The following TG variants were observed in gnomAD, a reference collection of about 807,000 sequenced individuals.
The protein encoded by TG is thyroglobulin, also known as thyroid hormones.
A neutral mutation model predicts 324.7 loss-of-function variants in TG; 270 were observed. The ratio of observed to expected loss-of-function variants is 0.83; its 90% CI spans 0.75 to 0.92. The LOEUF (loss-of-function observed/expected upper bound fraction) is 0.92, where lower values mean the gene tolerates loss of function less well. Ranked by LOEUF, TG falls within the 40% of genes least tolerant of loss-of-function variation. The pLI is 0.00. For missense variants in TG, 3,591 were observed against 3,456.4 expected, an observed-to-expected ratio of 1.04 and a Z score of -0.98; for synonymous variants, 1,401 against 1,327.0, an observed-to-expected ratio of 1.06 and a Z score of -1.21.
chr8:132,918,527 A>G (rs1397402978), intron 20 of TG, among the ~76,000 whole-genome samples: 1 of 152,208 alleles, frequency 6.6e-6, no homozygotes, highest in Non-Finnish European at 1.5e-5. Context: ...AATGCCAACT[A>G]CACACGTAGA....
intron 41 of TG, among the ~76,000 whole-genome samples, chr8:133,090,778 A>G (rs1172415649): frequency 6.6e-6 from 1 of 152,216 alleles, no homozygotes; most frequent in Non-Finnish European, 1.5e-5. Flanking sequence ...GACAAAGGAA[A>G]TTGGCAAAAT....
chr8:132,963,167 G>T, intron 29 of TG, 93 bp downstream of exon 29: 1 of 1,115,068 alleles, frequency 9.0e-7, no homozygotes, highest in South Asian at 1.2e-5. Flanking sequence ...CGGACGTATT[G>T]ACATCACTCT....
intron 25 of TG, among the ~76,000 whole-genome samples, chr8:132,937,154 C>T (rs1823728964): frequency 6.6e-6 from 1 of 152,148 alleles, no homozygotes; most frequent in Admixed American, 6.5e-5. Context: ...TGGCTGTGCA[C>T]CAGATGACAG....
rs185846484 is a variant in TG at position 133,024,632 on chromosome 8, C to T, written c.7036+2482C>T. 1.3e-4 allele frequency among the ~76,000 whole-genome samples: 19 copies of T among 150,834 alleles called. 1 individual carries two copies. The East Asian group carries it at 3.7e-3, about 29-fold the overall frequency. The stretch of plus-strand genomic sequence containing the variant: ...GTGTCCATGTATTCTCAGTGTTCAA[C>T]TCCCACTTATGAATGAGAACATGTG... On this transcript the variant is annotated intron_variant, in intron 40 of 47. Coordinates refer to ENST00000220616, the MANE Select transcript of TG (RefSeq NM_003235.5).
Position 132,906,920 on chromosome 8 carries a change from C to T in TG, c.3847+20C>T, listed in dbSNP as rs376845203. The T allele has an allele frequency of 6.3e-7, 1 of 1,598,328 alleles. No homozygotes were observed. Among genetic ancestry groups the T allele is most frequent in the African/African-American group, 1.3e-5 (1 of 74,568 alleles). ...GCCAACGTGAGTGGCATCAGAGCAT[C>T]TATCCTGCACCCCGCTCCCTCTCAG... On this transcript the variant is annotated intron_variant, in intron 17 of 47. Coordinates refer to ENST00000220616, the MANE Select transcript of TG (RefSeq NM_003235.5).
rs1458028569 is a variant in TG, at chr8:133,017,976, C to T, written c.6761C>T (p.Ser2254Phe). 9.3e-6 allele frequency: 15 copies of T among 1,614,050 alleles called. No homozygotes were observed. The highest frequency in any genetic ancestry group is 1.2e-5 in the Non-Finnish European group (14 of 1,180,046). ...QAPEPLNWTGSWDASKPRASC... is the reference protein window; with the variant it reads ...QAPEPLNWTGFWDASKPRASC... Reference sequence around the variant, plus strand: ...CCAGAGCCCTTGAACTGGACAGGCTCCTGGGATGCCAGCAAGCCAAGGTAT... The same window carrying T: ...CCAGAGCCCTTGAACTGGACAGGCTTCTGGGATGCCAGCAAGCCAAGGTAT... Residue 2254 changes from serine to phenylalanine, a missense_variant, in exon 38 of 48, where the codon TCC becomes TTC. Coordinates refer to ENST00000220616, the MANE Select transcript of TG (RefSeq NM_003235.5).
rs530018191 is a variant in TG at position 132,965,280 on chromosome 8, G to C, written c.5549-1280G>C. ...GGCTGGGATGGTGACATGGTCTCTG[G>C]TGTCTCTGCCAGCACTAAACTTCTG... On this transcript the variant is annotated intron_variant, in intron 29 of 47. Transcript: ENST00000220616. Among the ~76,000 whole-genome samples the C allele has an allele frequency of 2.6e-5, 4 of 152,274 alleles. No homozygotes were observed. The South Asian group carries it at 8.3e-4, about 32-fold the overall frequency.
At position 132,971,212 on chromosome 8, in the gene TG, A is replaced by T. The variant is rs988901979; in HGVS notation, c.5976-582A>T. ...TAGTTATTGAGTGGATAAGAAGGTC[A>T]GTCTTGAGAGAGCCTGGCTGGGTGG... On this transcript the variant is annotated intron_variant, in intron 32 of 47. Coordinates refer to ENST00000220616, the MANE Select transcript of TG (RefSeq NM_003235.5). 4.6e-5 allele frequency among the ~76,000 whole-genome samples: 7 copies of T among 152,338 alleles called. No homozygotes were observed. In the East Asian group the frequency reaches 1.4e-3, roughly 29 times the overall value.
rs1282521989 is a variant in TG at position 132,898,899 on chromosome 8, G to A, written c.3319G>A (p.Ala1107Thr). ...ATCTCCAAAAGACCTGTTCGTCCCA[G>A]CCTGCCTAGAAGTAAGGGTCTGGAA... is the stretch of plus-strand genomic sequence containing the variant. The part of the protein sequence containing the change: ...NPSPKDLFVP[A>T]CLETGEYARL... The change falls in exon 14 of 48, where the codon GCC becomes ACC. Residue 1107 changes from alanine (A) to threonine (T), a missense_variant. Coordinates refer to ENST00000220616, the MANE Select transcript of TG (RefSeq NM_003235.5). The A allele has an allele frequency of 3.7e-6, 6 of 1,613,988 alleles. No homozygotes were observed. The East Asian group carries it at 1.3e-4, about 36-fold the overall frequency.
chr8:132,962,852 G>T, intron 28 of TG, 142 bp from the exon 29 acceptor site: 1 of 779,820 alleles, frequency 1.3e-6, no homozygotes, highest in Non-Finnish European at 2.4e-6. Context: ...GCAGATCCAT[G>T]TCAGGGCATC....
At position 133,073,313 on chromosome 8, in the gene TG, T is replaced by A. The variant is rs571852425; in HGVS notation, c.7240-21731T>A. On this transcript the variant is annotated intron_variant, in intron 41 of 47. Transcript: ENST00000220616. ...TTGTCTATTCCATAGGTTTTTAATA[T>A]TATTATACTTTCAGAGCATATTAAG... 4 of 152,360 alleles carry A rather than the reference T, an allele frequency of 2.6e-5. No individual in the cohort carries two copies. The East Asian group carries it at 7.7e-4, about 29-fold the overall frequency. 9.4% of individuals were successfully genotyped at this position (152,360 alleles called of 1,614,324 possible).
chr8:133,005,716 T>C (rs1469191805), intron 35 of TG, among the ~76,000 whole-genome samples: 4 of 152,202 alleles, frequency 2.6e-5, no homozygotes. Flanking sequence ...CAATTGTTAG[T>C]GTCAGCTGCT....
intron 27 of TG, among the ~76,000 whole-genome samples, chr8:132,950,221 T>C (rs1825913790): frequency 6.6e-6 from 1 of 152,236 alleles, no homozygotes; most frequent in East Asian, 1.9e-4. Flanking sequence ...CCTCGTTGTC[T>C]ATTTATCTGC....
intron 41 of TG, among the ~76,000 whole-genome samples, chr8:133,067,629 A>G (rs796068343): frequency 8.5e-5 from 13 of 152,178 alleles, no homozygotes; most frequent in African/African-American, 3.1e-4. Context: ...TGCAAAAATT[A>G]GCTGGGTGTG....
At chr8:133,065,110 C>T (rs560903416) in intron 41 of TG, among the ~76,000 whole-genome samples, 12 of 152,200 alleles carry the variant, frequency 7.9e-5, no homozygotes, top group African/African-American at 1.7e-4. Context: ...AAGTGTGGTG[C>T]GGCAAGTGGA....
chr8:132,938,987 G>A (rs1413261319), intron 25 of TG, among the ~76,000 whole-genome samples: 1 of 148,228 alleles, frequency 6.7e-6, no homozygotes, highest in Non-Finnish European at 1.5e-5. Context: ...AGGAGGTGGA[G>A]CTTGCAGTGA....
At position 132,983,335 on chromosome 8, in the gene TG, C is replaced by T. The variant is rs376202546; in HGVS notation, c.6200-15C>T. 1.9e-5 allele frequency: 30 copies of T among 1,613,978 alleles called. No homozygotes were observed. The African/African-American group carries it at 3.2e-4, about 17-fold the overall frequency. On this transcript the variant is annotated splice_polypyrimidine_tract_variant and intron_variant, in intron 34 of 47. Transcript: ENST00000220616. ...GGGGTAGAAAAGAACTGAAAGACTG[C>T]TTTTTCCTTTTCAGTTGCTCAAAAT...
intron 5 of TG, among the ~76,000 whole-genome samples, chr8:132,877,757 G>A (rs1288710429): frequency 1.3e-5 from 2 of 152,128 alleles, no homozygotes; most frequent in Non-Finnish European, 2.9e-5. Context: ...GCCACCCTGA[G>A]ATTTTGCTTT....
intron 35 of TG, chr8:133,003,093 A>C: frequency 4.9e-6 from 5 of 1,028,370 alleles, no homozygotes; most frequent in Middle Eastern, 3.9e-4. Context: ...AATTACTGGA[A>C]GATGGTGGTT....
Sources: gnomAD v4.1 joint callset for allele counts (sites outside exome capture counted in the v4.1 genomes callset) on GRCh38, gnomAD v4.1.1 for gene constraint, MANE v1.5 for transcripts, NCBI Gene and HGNC (gene_info 2026-07-23, HGNC 2026-07-21) for gene names.